The following KIAA1217 variants were observed in gnomAD, a reference collection of about 807,000 sequenced individuals.
The protein encoded by KIAA1217 is sickle tail protein homolog.
Under a neutral mutation model 163.9 loss-of-function variants are expected in KIAA1217, and 88 were observed. The ratio of observed to expected loss-of-function variants is 0.54; its 90% CI spans 0.45 to 0.64. KIAA1217 has a LOEUF of 0.64. Among genes scored for constraint, KIAA1217 ranks in the 30% least tolerant of loss-of-function variants. The pLI, the probability that KIAA1217 is intolerant of heterozygous loss-of-function variation, is 0.00. For synonymous variants in KIAA1217, 903 were observed against 923.1 expected, an observed-to-expected ratio of 0.98 and a Z score of 0.39; for missense variants, 2,372 against 2,475.0, an observed-to-expected ratio of 0.96 and a Z score of 0.88.
chr10:24,363,559 TTG>T (rs376659858), intron 2 of KIAA1217, among the ~76,000 whole-genome samples: 4 of 74,634 alleles, frequency 5.4e-5, no homozygotes, highest in Admixed American at 1.2e-4. Context: ...TTTGTGGGTT[TTG>T]TTTTTGTTTT....
At chr10:23,745,245 A>G (rs1199141806) in intron 1 of KIAA1217, among the ~76,000 whole-genome samples, 1 of 152,244 alleles carries the variant, frequency 6.6e-6, no homozygotes, top group Non-Finnish European at 1.5e-5. Context: ...AACTTAGCAC[A>G]TAGTAGGTGC....
At chr10:23,758,244 A>T (rs1189790538) in intron 1 of KIAA1217, among the ~76,000 whole-genome samples, 2 of 152,230 alleles carry the variant, frequency 1.3e-5, no homozygotes, top group Non-Finnish European at 1.5e-5. Context: ...ATAGTGTTAG[A>T]TAAGGGTCCA....
At chr10:24,045,095 A>G (rs949927461) in intron 2 of KIAA1217, among the ~76,000 whole-genome samples, 2 of 152,180 alleles carry the variant, frequency 1.3e-5, no homozygotes, top group African/African-American at 4.8e-5. Flanking sequence ...TCACATTTCA[A>G]TGATACTTTG....
At chr10:24,493,716 G>C (rs2066428124) in intron 6 of KIAA1217, among the ~76,000 whole-genome samples, 1 of 152,140 alleles carries the variant, frequency 6.6e-6, no homozygotes, top group Non-Finnish European at 1.5e-5. Context: ...AAACCTCCAG[G>C]CTAAAGTTCC....
chr10:23,719,916 C>A (rs1381918097), intron 1 of KIAA1217, among the ~76,000 whole-genome samples: 1 of 151,776 alleles, frequency 6.6e-6, no homozygotes, highest in Non-Finnish European at 1.5e-5. Context: ...CCGCCTCAAA[C>A]AAACAAAAAG....
intron 2 of KIAA1217, among the ~76,000 whole-genome samples, chr10:24,175,942 A>G (rs1171934652): frequency 6.6e-6 from 1 of 152,232 alleles, no homozygotes; most frequent in Non-Finnish European, 1.5e-5. Flanking sequence ...AAGAGTGAGC[A>G]GCAGCAATAT....
At chr10:24,150,333 C>G (rs1371842160) in intron 2 of KIAA1217, among the ~76,000 whole-genome samples, 1 of 152,124 alleles carries the variant, frequency 6.6e-6, no homozygotes, top group Non-Finnish European at 1.5e-5. Flanking sequence ...GGCAGTAAGA[C>G]CTTGTCAACC....
At chr10:24,357,974 G>A (rs564634879) in intron 2 of KIAA1217, among the ~76,000 whole-genome samples, 52 of 152,154 alleles carry the variant, frequency 3.4e-4, no homozygotes, top group Non-Finnish European at 4.9e-4. Flanking sequence ...AGCCATGCAC[G>A]TAAACTCCCC....
intron 5 of KIAA1217, among the ~76,000 whole-genome samples, chr10:24,439,648 T>C (rs890316251): frequency 5.6e-5 from 8 of 141,754 alleles, no homozygotes; most frequent in Non-Finnish European, 1.1e-4. Flanking sequence ...GGAGAATCTT[T>C]TCTTTTTTTT....
chr10:23,793,363 T>G (rs1391078713), intron 1 of KIAA1217, among the ~76,000 whole-genome samples: 2 of 152,300 alleles, frequency 1.3e-5, no homozygotes, highest in East Asian at 3.9e-4. Flanking sequence ...TGCTTTTGCC[T>G]TGGGCATGAT....
At chr10:23,714,447 C>T (rs746475774) in intron 1 of KIAA1217, among the ~76,000 whole-genome samples, 4 of 152,086 alleles carry the variant, frequency 2.6e-5, no homozygotes, top group Non-Finnish European at 5.9e-5. Flanking sequence ...TCCATCATAT[C>T]CTGCAGCCAG....
chr10:24,429,433 C>T (rs909028898), intron 3 of KIAA1217, among the ~76,000 whole-genome samples: 5 of 152,132 alleles, frequency 3.3e-5, no homozygotes, highest in African/African-American at 1.2e-4. Context: ...CCCAAATCTC[C>T]ATTACTGGGG....
intron 1 of KIAA1217, among the ~76,000 whole-genome samples, chr10:23,837,715 AT>A (rs200651471): frequency 1.3e-5 from 2 of 151,500 alleles, no homozygotes; most frequent in Non-Finnish European, 2.9e-5. Context: ...GTTGTTGTTT[AT>A]TTTTTTTAGA....
chr10:24,059,977 CA>C (rs1209933061), intron 2 of KIAA1217, among the ~76,000 whole-genome samples: 3 of 152,188 alleles, frequency 2.0e-5, no homozygotes, highest in Non-Finnish European at 4.4e-5. Flanking sequence ...TAGTCTCTTA[CA>C]ATCTATTCAT....
At chr10:24,370,789 G>A (rs149467890) in intron 2 of KIAA1217, among the ~76,000 whole-genome samples, 110 of 152,248 alleles carry the variant, frequency 7.2e-4, no homozygotes, top group African/African-American at 2.5e-3. Context: ...ACGTTGCCGA[G>A]GTTGGTCTCA....
chr10:23,742,154 A>G (rs1468756989), intron 1 of KIAA1217, among the ~76,000 whole-genome samples: 1 of 152,126 alleles, frequency 6.6e-6, no homozygotes, highest in Non-Finnish European at 1.5e-5. Context: ...TTGTTGGTGG[A>G]GTCGCTCTGG....
At chr10:23,986,943 G>A (rs780790569) in intron 1 of KIAA1217, among the ~76,000 whole-genome samples, 2 of 152,046 alleles carry the variant, frequency 1.3e-5, no homozygotes, top group Non-Finnish European at 2.9e-5. Context: ...GACCCTGAGT[G>A]CCCTGAGAAA....
chr10:24,508,648 C>A (rs752467913), intron 9 of KIAA1217, among the ~76,000 whole-genome samples: 2 of 152,154 alleles, frequency 1.3e-5, no homozygotes, highest in Non-Finnish European at 2.9e-5. Flanking sequence ...TCACAAGAAT[C>A]AAGTCAATGT....
At chr10:24,378,869 G>A (rs1268938102) in intron 2 of KIAA1217, among the ~76,000 whole-genome samples, 5 of 151,988 alleles carry the variant, frequency 3.3e-5, no homozygotes, top group Non-Finnish European at 5.9e-5. Context: ...GAAGTGAGGG[G>A]AGAAAAAATA....
Sources: allele counts gnomAD v4.1 joint callset (sites outside exome capture counted in the v4.1 genomes callset), GRCh38; gene constraint gnomAD v4.1.1; transcripts MANE v1.5; gene names NCBI Gene and HGNC (gene_info 2026-07-23, HGNC 2026-07-21).